The following STAG1 variants were observed in gnomAD, a reference collection of about 807,000 sequenced individuals.
STAG1 encodes STAG1 cohesin complex component, also known as cohesin subunit SA-1.
STAG1 carries 26 observed loss-of-function variants against 170.9 expected under a neutral mutation model. The observed-to-expected ratio is 0.15, with a 90% CI of 0.11 to 0.21. The LOEUF (loss-of-function observed/expected upper bound fraction) is 0.21, where lower values mean the gene tolerates loss of function less well. Ranked by LOEUF, STAG1 falls within the 10% of genes least tolerant of loss-of-function variation. The pLI is 1.00. For synonymous variants in STAG1, 514 were observed against 497.7 expected (o/e 1.03, Z -0.44); for missense variants, 964 against 1,509.5 (o/e 0.64, Z 5.99).
chr3:136,387,252 G>T (rs890493011), intron 22 of STAG1, among the ~76,000 whole-genome samples: 1 of 152,148 alleles, frequency 6.6e-6, no homozygotes, highest in African/African-American at 2.4e-5. Flanking sequence ...GTCCTAGATA[G>T]TACTTAAATG....
intron 2 of STAG1, among the ~76,000 whole-genome samples, chr3:136,628,930 G>C (rs1032846443): frequency 6.6e-6 from 1 of 152,148 alleles, no homozygotes. Flanking sequence ...ATAATCACTA[G>C]AGTGGTCTTT....
Position 136,370,631 on chromosome 3 carries a change from A to T in STAG1, c.2371-1349T>A, listed in dbSNP as rs141245362. Among the ~76,000 whole-genome samples, 1,135 of 152,002 alleles carry T rather than the reference A, an allele frequency of 7.5e-3. 17 individuals are homozygous for T. Among genetic ancestry groups the T allele is most frequent in the African/African-American group, 0.026 (1,083 of 41,410 alleles). ...CAGTGTTTGGTTTTTTGTCCTTGTG[A>T]TAGTTTGCTGAGAGTGATGGTTTCC... is the stretch of plus-strand genomic sequence containing the variant. On this transcript the variant is annotated intron_variant, in intron 23 of 33. Coordinates refer to ENST00000383202, the MANE Select transcript of STAG1 (RefSeq NM_005862.3).
At chr3:136,733,956 A>T (rs13064124) in intron 1 of STAG1, among the ~76,000 whole-genome samples, 39 of 152,024 alleles carry the variant, frequency 2.6e-4, no homozygotes, top group South Asian at 6.2e-4. Context: ...AAATACAAAA[A>T]ATTAGCCGGG....
At chr3:136,598,067 A>G (rs1458035882) in intron 4 of STAG1, among the ~76,000 whole-genome samples, 1 of 152,120 alleles carries the variant, frequency 6.6e-6, no homozygotes, top group East Asian at 1.9e-4. Flanking sequence ...TTTCTCCTGT[A>G]ATGAGATTAT....
chr3:136,394,097 G>C (rs930946012), intron 22 of STAG1, among the ~76,000 whole-genome samples: 1 of 151,986 alleles, frequency 6.6e-6, no homozygotes, highest in Non-Finnish European at 1.5e-5. Context: ...TAGTAGAGAC[G>C]GGGTTTCGCC....
intron 26 of STAG1, among the ~76,000 whole-genome samples, chr3:136,363,033 T>A (rs753975241): frequency 4.6e-5 from 7 of 152,174 alleles, no homozygotes; most frequent in Non-Finnish European, 1.0e-4. Flanking sequence ...AAAAACATTT[T>A]CTTATCTCCT....
At chr3:136,752,162 C>G (rs1314897284) in intron 1 of STAG1, 33 bp downstream of exon 1, 1 of 153,416 alleles carries the variant, frequency 6.5e-6, no homozygotes, top group Non-Finnish European at 1.5e-5. Flanking sequence ...CTCTTTCCCG[C>G]CCCCCGCCGC....
intron 22 of STAG1, among the ~76,000 whole-genome samples, chr3:136,397,168 C>A (rs1295005894): frequency 1.3e-5 from 2 of 152,128 alleles, no homozygotes; most frequent in African/African-American, 4.8e-5. Context: ...GGTTCTTTAT[C>A]AAATGTTTAC....
At chr3:136,613,675 T>A (rs935463633) in intron 3 of STAG1, among the ~76,000 whole-genome samples, 1 of 152,056 alleles carries the variant, frequency 6.6e-6, no homozygotes, top group East Asian at 1.9e-4. Flanking sequence ...TTAGTAGAGA[T>A]AGGGTTTCAC....
chr3:136,465,053 T>C, intron 12 of STAG1, 65 bp from the exon 13 acceptor site: 1 of 1,225,876 alleles, frequency 8.2e-7, no homozygotes, highest in East Asian at 2.5e-5. Context: ...TACTTTTATT[T>C]AAACTTGCTA....
chr3:136,468,367 T>C lies in STAG1; in HGVS notation c.1206-3379A>G, dbSNP rs1389509629. ...AGAAATACAAACTACCATCAGAGAA[T>C]ACTATAAACACCTCTACGCAAATAA... On this transcript the variant is annotated intron_variant, in intron 12 of 33. Coordinates refer to ENST00000383202, the MANE Select transcript of STAG1 (RefSeq NM_005862.3). Among the ~76,000 whole-genome samples the C allele has an allele frequency of 4.6e-5, 7 of 152,264 alleles. No individual in the cohort carries two copies. In the East Asian group the frequency reaches 5.8e-4, roughly 13 times the overall value.
intron 16 of STAG1, 142 bp from the exon 17 acceptor site, chr3:136,423,186 T>A (rs1398100475): frequency 1.8e-6 from 1 of 545,232 alleles, no homozygotes; most frequent in Non-Finnish European, 3.1e-6. Context: ...ACAAGAAAGT[T>A]TATGCAAATT....
chr3:136,589,685 C>T (rs1280195492), intron 4 of STAG1, among the ~76,000 whole-genome samples: 4 of 142,144 alleles, frequency 2.8e-5, no homozygotes, highest in African/African-American at 1.1e-4. Context: ...AATCCCAGCA[C>T]TTTGGGAGGC....
intron 22 of STAG1, among the ~76,000 whole-genome samples, chr3:136,387,325 C>T (rs2086900612): frequency 6.6e-6 from 1 of 152,120 alleles, no homozygotes; most frequent in Non-Finnish European, 1.5e-5. Context: ...CAGATTTGGC[C>T]CATGGTCTGA....
chr3:136,543,239 T>G (rs1199840641), intron 5 of STAG1, among the ~76,000 whole-genome samples: 1 of 152,160 alleles, frequency 6.6e-6, no homozygotes, highest in Non-Finnish European at 1.5e-5. Flanking sequence ...ATGAATATAT[T>G]ACCCAAACAA....
intron 1 of STAG1, among the ~76,000 whole-genome samples, chr3:136,702,129 G>GAGAGAGAGAGAGAGAGAGAGAGAGAC (rs1943097375): frequency 2.0e-5 from 2 of 100,308 alleles, no homozygotes; most frequent in African/African-American, 1.2e-4. Flanking sequence ...GAGACAGAGA[G>GAGAGAGAGAGAGAGAGAGAGAGAGAC]ACAGAGAGAC....
At chr3:136,533,797 C>A (rs182280384) in intron 6 of STAG1, among the ~76,000 whole-genome samples, 7 of 152,226 alleles carry the variant, frequency 4.6e-5, no homozygotes, top group African/African-American at 1.7e-4. Flanking sequence ...TATCAATGAC[C>A]ATACTGTCAA....
In STAG1 at chr3:136,610,283, C is replaced by T. The variant is rs7645019; in HGVS notation, c.133-5810G>A. Among the ~76,000 whole-genome samples, 541 of 152,296 alleles carry T rather than the reference C, an allele frequency of 3.6e-3. 6 individuals carry two copies. The highest frequency in any genetic ancestry group is 0.012 in the African/African-American group (517 of 41,552). On this transcript the variant is annotated intron_variant, in intron 3 of 33. Transcript: ENST00000383202. ...AATTCCTGACCTTGTGATCCACCCA[C>T]CTCAGCCTTCCAAAGTGCTGGGATT...
chr3:136,547,962 C>T (rs1936228329), intron 5 of STAG1, among the ~76,000 whole-genome samples: 1 of 152,022 alleles, frequency 6.6e-6, no homozygotes, highest in Non-Finnish European at 1.5e-5. Flanking sequence ...TTCCCAAACA[C>T]CATTTGTTGA....
Sources: allele counts gnomAD v4.1 joint callset (sites outside exome capture counted in the v4.1 genomes callset), GRCh38; gene constraint gnomAD v4.1.1; transcripts MANE v1.5; gene names NCBI Gene and HGNC (gene_info 2026-07-23, HGNC 2026-07-21).